RFTN1: variants seen among roughly 807,000 people sequenced by gnomAD.
RFTN1 encodes the protein raftlin, lipid raft linker 1.
Under a neutral mutation model 46.5 loss-of-function variants are expected in RFTN1, and 26 were observed. The observed-to-expected ratio is 0.56, with a 90% CI of 0.41 to 0.78. RFTN1 has a LOEUF of 0.78. RFTN1 is among the 30% of genes least tolerant of loss of function. The pLI, the probability that RFTN1 is intolerant of heterozygous loss-of-function variation, is 0.00. For synonymous variants in RFTN1, 261 were observed against 284.2 expected (o/e 0.92, Z 0.82); for missense variants, 693 against 718.7 (o/e 0.96, Z 0.41).
chr3:16,425,100 T>C lies in RFTN1; in HGVS notation c.332+8751A>G, dbSNP rs1057163713. Among the ~76,000 whole-genome samples, 5 of 152,280 alleles carry C rather than the reference T, an allele frequency of 3.3e-5. No individual in the cohort carries two copies. Among genetic ancestry groups the C allele is most frequent in the African/African-American group, 7.2e-5 (3 of 41,570 alleles). On this transcript the variant is annotated intron_variant, in intron 3 of 9. Transcript: ENST00000334133. This position sits in a 1 kb window ranked among gnomAD's most constrained non-coding sequence, Gnocchi z 4.3. The stretch of plus-strand genomic sequence containing the variant: ...ATTTAATATGAGACAGACATATAAA[T>C]AGAAAACTCCAACGCTTTAGTAAAA...
In RFTN1 at chr3:16,316,830, A is replaced by G. The variant is rs768397951; in HGVS notation, c.1735T>C (p.Ter579ArgextTer7). 3 of 1,613,834 alleles carry G rather than the reference A, an allele frequency of 1.9e-6. No homozygotes were observed. The highest frequency in any genetic ancestry group is 2.5e-6 in the Non-Finnish European group (3 of 1,179,948). ...VRELGTVEEN[*>R] ...TTTTAGCACAAATTGCCCAAGACTC[A>G]GTTTTCTTCAACCGTACCAAGCTCT... is the stretch of plus-strand genomic sequence containing the variant. Residue 579 changes from the stop codon to arginine, a stop_lost, in exon 10 of 10, where the codon TGA (stop) becomes CGA (arginine). Transcript: ENST00000334133. The surrounding 1 kb of genome is among the most constrained non-coding windows in gnomAD (Gnocchi z 4.5).
At position 16,450,771 on chromosome 3, in the gene RFTN1, CTCTT is replaced by C. The variant is rs1257805756; in HGVS notation, c.146-16738_146-16735del. ...TTTTCATCAGACCCTGTTCTCAAGT[CTCTT>C]TCTTTCTTTTTTTTTTCCATCATAA... is the stretch of plus-strand genomic sequence containing the variant. On this transcript the variant is annotated intron_variant, in intron 2 of 9. Coordinates refer to ENST00000334133, the MANE Select transcript of RFTN1 (RefSeq NM_015150.2). This position sits in a 1 kb window ranked among gnomAD's most constrained non-coding sequence, Gnocchi z 4.6. 6.6e-6 allele frequency among the ~76,000 whole-genome samples: 1 copy of C among 152,110 alleles called. No homozygotes were observed. The highest frequency in any genetic ancestry group is 2.4e-5 in the African/African-American group (1 of 41,430).
At position 16,341,723 on chromosome 3, in the gene RFTN1, TAATTA is replaced by T. The variant is rs555015471; in HGVS notation, c.1147-14852_1147-14848del. ...CAGCAAAAACCCACCAATGGAAAACTAATTAAATAAATTAAAATTTTTCATAGATT... is the reference window on the plus strand; with the variant it reads ...CAGCAAAAACCCACCAATGGAAAACTAATAAATTAAAATTTTTCATAGATT... On this transcript the variant is annotated intron_variant, in intron 7 of 9. Transcript: ENST00000334133. The surrounding 1 kb of genome is among the most constrained non-coding windows in gnomAD (Gnocchi z 4.7). 2.6e-5 allele frequency among the ~76,000 whole-genome samples: 4 copies of T among 152,300 alleles called. No individual in the cohort carries two copies. Among genetic ancestry groups the T allele is most frequent in the South Asian group, 2.1e-4 (1 of 4,816 alleles).
At position 16,493,718 on chromosome 3, in the gene RFTN1, T is replaced by C. The variant is rs769702085; in HGVS notation, c.145+7A>G. 1 of 1,608,118 alleles carries C rather than the reference T, an allele frequency of 6.2e-7. No individual in the cohort carries two copies. Among genetic ancestry groups the C allele is most frequent in the Admixed American group, 1.7e-5 (1 of 59,660 alleles). ...TGCCCCCATCCATTCCCACCCCATG[T>C]ACTCACCAGCACTCAGAGTCGTGAA... On this transcript the variant is annotated splice_region_variant and intron_variant, in intron 2 of 9. Coordinates refer to ENST00000334133, the MANE Select transcript of RFTN1 (RefSeq NM_015150.2).
intron 7 of RFTN1, among the ~76,000 whole-genome samples, chr3:16,354,422 T>C (rs1026878305): frequency 2.0e-5 from 3 of 152,246 alleles, no homozygotes; most frequent in Admixed American, 6.5e-5. Flanking sequence ...TTAGCCTGAC[T>C]GCGTGGAGCA....
chr3:16,375,211 GC>G (rs796592165), intron 5 of RFTN1, among the ~76,000 whole-genome samples: 110 of 152,178 alleles, frequency 7.2e-4, no homozygotes, highest in African/African-American at 2.6e-3. Flanking sequence ...GCCTGGGGGG[GC>G]CCGTGTGTGC....
At chr3:16,502,423 C>T (rs988315502) in intron 1 of RFTN1, among the ~76,000 whole-genome samples, 1 of 150,802 alleles carries the variant, frequency 6.6e-6, no homozygotes, top group African/African-American at 2.4e-5. Context: ...GAAAAGAAAA[C>T]AATAAGGATA....
At position 16,380,119 on chromosome 3, in the gene RFTN1, A is replaced by T. The variant is rs1283062508; in HGVS notation, c.442-2017T>A. Among the ~76,000 whole-genome samples the T allele has an allele frequency of 6.6e-6, 1 of 152,232 alleles. No individual in the cohort carries two copies. Among genetic ancestry groups the T allele is most frequent in the African/African-American group, 2.4e-5 (1 of 41,456 alleles). On this transcript the variant is annotated intron_variant, in intron 4 of 9. Transcript: ENST00000334133. This position sits in a 1 kb window ranked among gnomAD's most constrained non-coding sequence, Gnocchi z 4.8. ...TCTCAACTAGAGTCACGGAAATAGC[A>T]TGAAGTTTAAAGGCTTTTGGAAAGG...
rs964466708 is a variant in RFTN1, at chr3:16,344,994, G to A, written c.1146+12938C>T. ...TTTAAGCTCTTTTAGGGGGCCACAT[G>A]GAAAGCATAAGAAATGGGGGCAGCC... On this transcript the variant is annotated intron_variant, in intron 7 of 9. Transcript: ENST00000334133. The surrounding 1 kb of genome is among the most constrained non-coding windows in gnomAD (Gnocchi z 4.4). 2 of 152,174 alleles carry A rather than the reference G, an allele frequency of 1.3e-5. No individual in the cohort carries two copies. The highest frequency in any genetic ancestry group is 6.5e-5 in the Admixed American group (1 of 15,278). 9.4% of individuals were successfully genotyped at this position (152,174 alleles called of 1,614,324 possible).
chr3:16,405,001 A>C (rs2074817594), intron 4 of RFTN1, among the ~76,000 whole-genome samples: 1 of 152,228 alleles, frequency 6.6e-6, no homozygotes, highest in African/African-American at 2.4e-5. Flanking sequence ...GAAAACGTGC[A>C]CAATGACTGA....
In RFTN1 at chr3:16,321,173, G is replaced by C. The variant is rs529456464; in HGVS notation, c.1332+2203C>G. 6.6e-6 allele frequency among the ~76,000 whole-genome samples: 1 copy of C among 152,258 alleles called. No homozygotes were observed. Among genetic ancestry groups the C allele is most frequent in the African/African-American group, 2.4e-5 (1 of 41,544 alleles). ...TGGCCAGGTGGGCGAGGTATGGGGA[G>C]GGGGACAGTCATAGGTTTCCTCGAG... On this transcript the variant is annotated intron_variant, in intron 9 of 9. Transcript: ENST00000334133. This position sits in a 1 kb window ranked among gnomAD's most constrained non-coding sequence, Gnocchi z 4.8.
At chr3:16,408,141 T>C (rs1051464734) in intron 4 of RFTN1, among the ~76,000 whole-genome samples, 1 of 152,134 alleles carries the variant, frequency 6.6e-6, no homozygotes, top group African/African-American at 2.4e-5. Flanking sequence ...GTTCTTTTGA[T>C]TCCCCTCACT....
Position 16,480,772 on chromosome 3 carries a change from G to C in RFTN1, c.145+12953C>G, listed in dbSNP as rs972687002. ...CAATATTGCTAATAATAATTAGTAGGGTGCATAGAATATTAACTTGTTTTC... is the reference window on the plus strand; with the variant it reads ...CAATATTGCTAATAATAATTAGTAGCGTGCATAGAATATTAACTTGTTTTC... On this transcript the variant is annotated intron_variant, in intron 2 of 9. Transcript: ENST00000334133. This position sits in a 1 kb window ranked among gnomAD's most constrained non-coding sequence, Gnocchi z 4.3. 2.0e-5 allele frequency among the ~76,000 whole-genome samples: 3 copies of C among 151,988 alleles called. No individual in the cohort carries two copies. The highest frequency in any genetic ancestry group is 4.4e-5 in the Non-Finnish European group (3 of 68,006).
At position 16,504,644 on chromosome 3, in the gene RFTN1, G is replaced by T. The variant is rs868819269; in HGVS notation, c.-9+8798C>A. ...CATAGTATTATGTATGCTCAAAAAAGTTACTTACATGCTATTGTCTCTCCC... is the reference window on the plus strand; with the variant it reads ...CATAGTATTATGTATGCTCAAAAAATTTACTTACATGCTATTGTCTCTCCC... On this transcript the variant is annotated intron_variant, in intron 1 of 9. Transcript: ENST00000334133. This position sits in a 1 kb window ranked among gnomAD's most constrained non-coding sequence, Gnocchi z 4.4. Among the ~76,000 whole-genome samples the T allele has an allele frequency of 1.3e-5, 2 of 152,208 alleles. No homozygotes were observed. Among genetic ancestry groups the T allele is most frequent in the African/African-American group, 4.8e-5 (2 of 41,522 alleles).
rs1243623451 is a variant in RFTN1 at position 16,329,826 on chromosome 3, C to T, written c.1147-2950G>A. Among the ~76,000 whole-genome samples the T allele has an allele frequency of 3.9e-5, 6 of 152,144 alleles. No homozygotes were observed. The highest frequency in any genetic ancestry group is 3.9e-4 in the Admixed American group (6 of 15,276). The stretch of plus-strand genomic sequence containing the variant: ...CAGTAGCCATGGCAACCAGGACAAG[C>T]TTTGGCGCCTCACAAAGCCCTGAGT... On this transcript the variant is annotated intron_variant, in intron 7 of 9. Coordinates refer to ENST00000334133, the MANE Select transcript of RFTN1 (RefSeq NM_015150.2). This position sits in a 1 kb window ranked among gnomAD's most constrained non-coding sequence, Gnocchi z 4.5.
At position 16,433,972 on chromosome 3, in the gene RFTN1, C is replaced by G. The variant is rs1440263132; in HGVS notation, c.211G>C (p.Glu71Gln). The change falls in exon 3 of 10, where the codon GAG becomes CAG. Residue 71 changes from glutamate to glutamine, a missense_variant. By Grantham distance (29) the Glu-to-Gln change is conservative (BLOSUM62 2). Transcript: ENST00000334133. The surrounding 1 kb of genome is among the most constrained non-coding windows in gnomAD (Gnocchi z 4.4). The part of the protein sequence containing the change: ...SLRDLPAQLL[E>Q]LYQQGFSLAA... ...AGCGAGAAGCCCTGCTGGTACAGCT[C>G]CAGGAGCTGGGCGGGCAGGTCACGC... 6.2e-7 allele frequency: 1 copy of G among 1,613,894 alleles called. No homozygotes were observed. Among genetic ancestry groups the G allele is most frequent in the Admixed American group, 1.7e-5 (1 of 60,006 alleles).
intron 7 of RFTN1, among the ~76,000 whole-genome samples, chr3:16,357,117 A>G (rs1178265935): frequency 1.0e-5 from 1 of 98,726 alleles, no homozygotes; most frequent in Non-Finnish European, 1.9e-5. Context: ...GCCATCTCAA[A>G]AAAAAAAAAA....
rs986228708 is a variant in RFTN1, at chr3:16,446,941, A to G, written c.146-12904T>C. ...AGTAATATAAAATGACAAACTATGG[A>G]AACTATTGGAAATCATAAAGACCAC... On this transcript the variant is annotated intron_variant, in intron 2 of 9. Coordinates refer to ENST00000334133, the MANE Select transcript of RFTN1 (RefSeq NM_015150.2). This position sits in a 1 kb window ranked among gnomAD's most constrained non-coding sequence, Gnocchi z 4.5. 1.3e-5 allele frequency among the ~76,000 whole-genome samples: 2 copies of G among 152,230 alleles called. No individual in the cohort carries two copies. Among genetic ancestry groups the G allele is most frequent in the Non-Finnish European group, 2.9e-5 (2 of 68,048 alleles).
At chr3:16,396,400 C>T (rs768651608) in intron 4 of RFTN1, among the ~76,000 whole-genome samples, 1 of 152,100 alleles carries the variant, frequency 6.6e-6, no homozygotes, top group Non-Finnish European at 1.5e-5. Flanking sequence ...GTCAGATTAC[C>T]CGGGGCTGAT....
Sources: allele counts gnomAD v4.1 joint callset (sites outside exome capture counted in the v4.1 genomes callset), GRCh38; gene constraint gnomAD v4.1.1; non-coding constraint Gnocchi (gnomAD v3.1); transcripts MANE v1.5; gene names NCBI Gene and HGNC (gene_info 2026-07-23, HGNC 2026-07-21).